ADAMTS12: variants seen among roughly 807,000 people sequenced by gnomAD.
The protein encoded by ADAMTS12 is A disintegrin and metalloproteinase with thrombospondin motifs 12.
Under a neutral mutation model 167.8 loss-of-function variants are expected in ADAMTS12, and 118 were observed. The observed-to-expected ratio is 0.70, with a 90% CI of 0.61 to 0.82. The LOEUF is 0.82. Among genes scored for constraint, ADAMTS12 ranks in the 40% least tolerant of loss-of-function variants. The probability of loss-of-function intolerance (pLI) is 0.00; values close to 1 mark genes in which losing one functional copy is unlikely to be tolerated. For missense variants in ADAMTS12, 1,916 were observed against 1,998.8 expected (o/e 0.96, Z 0.79); for synonymous variants, 704 against 716.9 (o/e 0.98, Z 0.29).
intron 13 of ADAMTS12, among the ~76,000 whole-genome samples, chr5:33,625,639 CT>C (rs1739552078): frequency 6.6e-6 from 1 of 152,102 alleles, no homozygotes; most frequent in African/African-American, 2.4e-5. Flanking sequence ...AAGCCCAAGT[CT>C]TTTTTCTTGA....
At chr5:33,547,472 C>T (rs1037828058) in intron 21 of ADAMTS12, among the ~76,000 whole-genome samples, 5 of 152,024 alleles carry the variant, frequency 3.3e-5, no homozygotes, top group Admixed American at 6.6e-5. Flanking sequence ...GTAGTTGAGG[C>T]GGGCCGATAT....
intron 3 of ADAMTS12, among the ~76,000 whole-genome samples, chr5:33,717,119 GTT>G (rs35812625): frequency 1.0e-3 from 150 of 148,326 alleles, no homozygotes; most frequent in Middle Eastern, 3.5e-3. Context: ...GAAATTGTAG[GTT>G]TTTTTTTTTT....
In ADAMTS12 at chr5:33,769,563, G is replaced by T. The variant is rs918460073; in HGVS notation, c.490-18015C>A. On this transcript the variant is annotated intron_variant, in intron 2 of 23. Coordinates refer to ENST00000504830, the MANE Select transcript of ADAMTS12 (RefSeq NM_030955.4). Reference sequence around the variant, plus strand: ...TACATCAATTACAGGCAGTGATGTTGTGAGTCCATCTCAGCCCCAAGAGTT... The same window carrying T: ...TACATCAATTACAGGCAGTGATGTTTTGAGTCCATCTCAGCCCCAAGAGTT... Among the ~76,000 whole-genome samples the T allele has an allele frequency of 2.0e-5, 3 of 152,296 alleles. No homozygotes were observed. In the East Asian group the frequency reaches 5.8e-4, roughly 29 times the overall value.
At chr5:33,776,603 C>A in intron 2 of ADAMTS12, among the ~76,000 whole-genome samples, 1 of 152,042 alleles carries the variant, frequency 6.6e-6, no homozygotes, top group Middle Eastern at 3.4e-3. Context: ...TAGCAATAAA[C>A]GCCTCCATTA....
chr5:33,766,638 T>C (rs1228265606), intron 2 of ADAMTS12, among the ~76,000 whole-genome samples: 1 of 152,198 alleles, frequency 6.6e-6, no homozygotes, highest in Middle Eastern at 3.2e-3. Context: ...TTTACAGCTT[T>C]TCTGTAATTT....
intron 3 of ADAMTS12, among the ~76,000 whole-genome samples, chr5:33,705,915 A>T (rs1743186447): frequency 6.6e-6 from 1 of 152,156 alleles, no homozygotes; most frequent in Non-Finnish European, 1.5e-5. Flanking sequence ...CTAGAAATAA[A>T]TTTAACCGAT....
At chr5:33,703,724 G>C (rs1743086235) in intron 3 of ADAMTS12, among the ~76,000 whole-genome samples, 1 of 152,140 alleles carries the variant, frequency 6.6e-6, no homozygotes, top group South Asian at 2.1e-4. Context: ...AAATGGCAGT[G>C]CTATCCTTTC....
chr5:33,649,971 C>G (rs1459734824), intron 7 of ADAMTS12, among the ~76,000 whole-genome samples: 1 of 152,212 alleles, frequency 6.6e-6, no homozygotes, highest in Admixed American at 6.5e-5. Flanking sequence ...AGGCTAAGAG[C>G]TCTGTCTGGC....
chr5:33,808,723 T>G (rs770799915), intron 2 of ADAMTS12, among the ~76,000 whole-genome samples: 8 of 152,212 alleles, frequency 5.3e-5, no homozygotes, highest in Non-Finnish European at 8.8e-5. Context: ...TTTTTCTTAT[T>G]AGGTCAGGGT....
At chr5:33,597,021 T>C (rs1011693907) in intron 16 of ADAMTS12, among the ~76,000 whole-genome samples, 4 of 152,212 alleles carry the variant, frequency 2.6e-5, no homozygotes, top group Admixed American at 2.0e-4. Flanking sequence ...ATATCAATAA[T>C]GTATTACCTG....
At chr5:33,644,813 C>G (rs909437189) in intron 9 of ADAMTS12, among the ~76,000 whole-genome samples, 1 of 151,786 alleles carries the variant, frequency 6.6e-6, no homozygotes, top group Non-Finnish European at 1.5e-5. Flanking sequence ...TCACTGCAAG[C>G]TCTGCCTCCT....
At chr5:33,674,070 A>G (rs1741816955) in intron 5 of ADAMTS12, among the ~76,000 whole-genome samples, 1 of 152,202 alleles carries the variant, frequency 6.6e-6, no homozygotes, top group African/African-American at 2.4e-5. Context: ...ATTGAGGTTT[A>G]TTCTTCTCCT....
chr5:33,891,377 TTTTCCATG>T (rs1052445026), intron 1 of ADAMTS12: 3 of 192,822 alleles, frequency 1.6e-5, no homozygotes, highest in African/African-American at 7.0e-5. Flanking sequence ...AAAAAAAAAA[TTTTCCATG>T]TTTAGAGTCT....
intron 16 of ADAMTS12, among the ~76,000 whole-genome samples, chr5:33,599,846 T>C (rs1367559545): frequency 1.3e-5 from 2 of 152,040 alleles, no homozygotes; most frequent in Non-Finnish European, 2.9e-5. Context: ...GTGGAGGGGG[T>C]TCAAATCAGT....
At chr5:33,727,480 T>C (rs1744026375) in intron 3 of ADAMTS12, among the ~76,000 whole-genome samples, 1 of 152,358 alleles carries the variant, frequency 6.6e-6, no homozygotes, top group South Asian at 2.1e-4. Flanking sequence ...TTACAGACTG[T>C]CCTGAGGTAT....
intron 2 of ADAMTS12, among the ~76,000 whole-genome samples, chr5:33,772,977 C>T (rs547989044): frequency 1.3e-5 from 2 of 152,272 alleles, no homozygotes; most frequent in Admixed American, 6.5e-5. Context: ...TTGTGATCTG[C>T]GTCTTGGAGA....
At chr5:33,556,916 C>A (rs1254841100) in intron 20 of ADAMTS12, among the ~76,000 whole-genome samples, 1 of 152,190 alleles carries the variant, frequency 6.6e-6, no homozygotes, top group African/African-American at 2.4e-5. Flanking sequence ...ATAAAATAAT[C>A]TTTCACCAGC....
chr5:33,553,824 T>C (rs1052559482), intron 20 of ADAMTS12, among the ~76,000 whole-genome samples: 2 of 152,188 alleles, frequency 1.3e-5, no homozygotes, highest in East Asian at 3.9e-4. Flanking sequence ...GACACAAGTT[T>C]ACCTATGTAG....
intron 17 of ADAMTS12, among the ~76,000 whole-genome samples, chr5:33,594,032 G>T (rs1297334246): frequency 6.6e-6 from 1 of 152,110 alleles, no homozygotes; most frequent in African/African-American, 2.4e-5. Flanking sequence ...TTGTAAATTG[G>T]CCATTGATAT....
Sources: allele counts gnomAD v4.1 joint callset (sites outside exome capture counted in the v4.1 genomes callset), GRCh38; gene constraint gnomAD v4.1.1; transcripts MANE v1.5; gene names NCBI Gene and HGNC (gene_info 2026-07-23, HGNC 2026-07-21).